Variants in NDUFV1 observed in about 807,000 individuals in gnomAD.
The protein encoded by NDUFV1 is NADH dehydrogenase [ubiquinone] flavoprotein 1, mitochondrial.
Under a neutral mutation model 48.7 loss-of-function variants are expected in NDUFV1, and 41 were observed. That is an observed-to-expected ratio of 0.84 (90% confidence interval 0.66 to 1.09). The LOEUF (loss-of-function observed/expected upper bound fraction) is 1.09, where lower values mean the gene tolerates loss of function less well. Ranked by LOEUF, NDUFV1 falls within the 50% of genes least tolerant of loss-of-function variation. The pLI, the probability that NDUFV1 is intolerant of heterozygous loss-of-function variation, is 0.00. For missense variants in NDUFV1, 580 were observed against 645.4 expected (o/e 0.90, Z 1.10); for synonymous variants, 231 against 259.1 (o/e 0.89, Z 1.04).
Position 67,608,636 on chromosome 11 carries a change from C to G in NDUFV1, c.240C>G (p.Ile80Met). The G allele has an allele frequency of 6.2e-7, 1 of 1,614,152 alleles. No individual in the cohort carries two copies. Among genetic ancestry groups the G allele is most frequent in the South Asian group, 1.1e-5 (1 of 91,076 alleles). Reference sequence around the variant, plus strand: ...GGCCCGACTGGATCCTGGGCGAGATCAAGACATCGGGTTTGAGGGGCCGTG... The same window carrying G: ...GGCCCGACTGGATCCTGGGCGAGATGAAGACATCGGGTTTGAGGGGCCGTG... ...LKGPDWILGEIKTSGLRGRGG... is the reference protein window; with the variant it reads ...LKGPDWILGEMKTSGLRGRGG... Residue 80 changes from isoleucine (I) to methionine (M), a missense_variant, in exon 3 of 10, where the codon ATC (isoleucine) becomes ATG (methionine). By Grantham distance (10) the Ile-to-Met change is conservative. Coordinates refer to ENST00000322776, the MANE Select transcript of NDUFV1 (RefSeq NM_007103.4).
Position 67,612,280 on chromosome 11 carries a change from TCTG to T in NDUFV1, c.1308+17_1308+19del. ...GGCCTGTGCAGGTATTCACCACCCT[TCTG>T]CGTAGCACGGAGGGTGGGTGGCATC... On this transcript the variant is annotated intron_variant, in intron 9 of 9. Coordinates refer to ENST00000322776, the MANE Select transcript of NDUFV1 (RefSeq NM_007103.4). This position sits in a 1 kb window ranked among gnomAD's most constrained non-coding sequence, Gnocchi z 4.4. The T allele has an allele frequency of 6.2e-7, 1 of 1,613,966 alleles. No homozygotes were observed. Among genetic ancestry groups the T allele is most frequent in the Non-Finnish European group, 8.5e-7 (1 of 1,179,938 alleles).
chr11:67,612,329 G>A lies in NDUFV1; in HGVS notation c.1309-43G>A, dbSNP rs769615675. 4 of 1,613,808 alleles carry A rather than the reference G, an allele frequency of 2.5e-6. No homozygotes were observed. Among genetic ancestry groups the A allele is most frequent in the Non-Finnish European group, 3.4e-6 (4 of 1,179,926 alleles). Reference sequence around the variant, plus strand: ...GCATCAAGGGCCCAGGGTGTTGGGGGATTTTTGGACTCTGTTTCACATGGT... The same window carrying A: ...GCATCAAGGGCCCAGGGTGTTGGGGAATTTTTGGACTCTGTTTCACATGGT... On this transcript the variant is annotated intron_variant, in intron 9 of 9. Coordinates refer to ENST00000322776, the MANE Select transcript of NDUFV1 (RefSeq NM_007103.4). This position sits in a 1 kb window ranked among gnomAD's most constrained non-coding sequence, Gnocchi z 4.4.
rs1418719669 is a variant in NDUFV1, at chr11:67,610,598, A to G, written c.700+28A>G. On this transcript the variant is annotated intron_variant, in intron 5 of 9. Coordinates refer to ENST00000322776, the MANE Select transcript of NDUFV1 (RefSeq NM_007103.4). ...AAGGCCTGGCGTAACCCTGGGTCAGACTGTGTCCTGTGACACCCGGGATCT... is the reference window on the plus strand; with the variant it reads ...AAGGCCTGGCGTAACCCTGGGTCAGGCTGTGTCCTGTGACACCCGGGATCT... 2.5e-6 allele frequency: 4 copies of G among 1,612,286 alleles called. No homozygotes were observed. The African/African-American group carries it at 4.0e-5, about 16-fold the overall frequency.
chr11:67,608,349 T>C, intron 1 of NDUFV1, 47 bp from the exon 2 acceptor site: 1 of 1,553,276 alleles, frequency 6.4e-7, no homozygotes, highest in Non-Finnish European at 8.9e-7. Flanking sequence ...GCCCAATCCC[T>C]CATGGCCCCA....
Position 67,612,307 on chromosome 11 carries a change from T to A in NDUFV1, c.1308+42T>A, listed in dbSNP as rs1181605079. On this transcript the variant is annotated intron_variant, in intron 9 of 9. Transcript: ENST00000322776. This position sits in a 1 kb window ranked among gnomAD's most constrained non-coding sequence, Gnocchi z 4.4. ...TGCGTAGCACGGAGGGTGGGTGGCA[T>A]CAAGGGCCCAGGGTGTTGGGGGATT... The A allele has an allele frequency of 3.1e-6, 5 of 1,613,678 alleles. No individual in the cohort carries two copies. In the African/African-American group the frequency reaches 6.7e-5, roughly 22 times the overall value.
In NDUFV1 at chr11:67,612,360, C is replaced by A. The variant is rs766572269; in HGVS notation, c.1309-12C>A. 2.2e-5 allele frequency: 35 copies of A among 1,613,590 alleles called. No individual in the cohort carries two copies. The highest frequency in any genetic ancestry group is 2.4e-5 in the Non-Finnish European group (28 of 1,179,930). ...TGGACTCTGTTTCACATGGTCCCCC[C>A]ACCGACCCCAGGGTCTGATCCGCCA... is the stretch of plus-strand genomic sequence containing the variant. On this transcript the variant is annotated splice_polypyrimidine_tract_variant and intron_variant, in intron 9 of 9. Coordinates refer to ENST00000322776, the MANE Select transcript of NDUFV1 (RefSeq NM_007103.4). This position sits in a 1 kb window ranked among gnomAD's most constrained non-coding sequence, Gnocchi z 4.4.
intron 5 of NDUFV1, 102 bp downstream of exon 5, chr11:67,610,672 G>A (rs1034169899): frequency 4.3e-5 from 63 of 1,477,982 alleles, no homozygotes; most frequent in Non-Finnish European, 4.8e-5. Context: ...GTGGCTTCCC[G>A]GCTGGGGCCA....
At position 67,611,422 on chromosome 11, in the gene NDUFV1, G is replaced by A. The variant is rs1850402749; in HGVS notation, c.933G>A (p.Trp311Ter). The A allele has an allele frequency of 6.2e-7, 1 of 1,613,922 alleles. No homozygotes were observed. The highest frequency in any genetic ancestry group is 1.7e-5 in the Admixed American group (1 of 60,004). The stretch of plus-strand genomic sequence containing the variant: ...CCCCAGGGGGTGTCACGGGCGGCTG[G>A]GACAACCTCCTTGCTGTGATCCCTG... ...EKHAGGVTGG[W>*]DNLLAVIPGG... The change falls in exon 7 of 10, where the codon TGG (tryptophan) becomes TGA (stop). Residue 311 changes from tryptophan to a stop codon, truncating the protein, a stop_gained. Transcript: ENST00000322776. LOFTEE classifies it high-confidence loss of function. This position sits in a 1 kb window ranked among gnomAD's most constrained non-coding sequence, Gnocchi z 4.2.
In NDUFV1 at chr11:67,611,981, G is replaced by A. The variant is rs1766416599; in HGVS notation, c.1162+3G>A. ...CCAGTGTACCCCATGCCGTGAGGGTGAGCATCGGGCAGGTTGGGGGCTTGC... is the reference window on the plus strand; with the variant it reads ...CCAGTGTACCCCATGCCGTGAGGGTAAGCATCGGGCAGGTTGGGGGCTTGC... On this transcript the variant is annotated splice_donor_region_variant and intron_variant, in intron 8 of 9. Coordinates refer to ENST00000322776, the MANE Select transcript of NDUFV1 (RefSeq NM_007103.4). This position sits in a 1 kb window ranked among gnomAD's most constrained non-coding sequence, Gnocchi z 4.2. 2 of 1,613,944 alleles carry A rather than the reference G, an allele frequency of 1.2e-6. No individual in the cohort carries two copies. The highest frequency in any genetic ancestry group is 1.7e-6 in the Non-Finnish European group (2 of 1,179,976).
intron 4 of NDUFV1, 27 bp from the exon 5 acceptor site, chr11:67,610,354 T>C: frequency 1.2e-6 from 2 of 1,613,168 alleles, no homozygotes; most frequent in South Asian, 2.2e-5. Context: ...GGGGGTGGGC[T>C]GGGAAACTCA....
At chr11:67,609,157 T>C (rs1030911289) in intron 3 of NDUFV1, among the ~76,000 whole-genome samples, 2 of 152,192 alleles carry the variant, frequency 1.3e-5, no homozygotes, top group Non-Finnish European at 1.5e-5. Flanking sequence ...TGAGGAATGC[T>C]CTTTGTCACC....
Position 67,612,418 on chromosome 11 carries a change from G to T in NDUFV1, c.1355G>T (p.Arg452Leu). 1 of 1,612,548 alleles carries T rather than the reference G, an allele frequency of 6.2e-7. No homozygotes were observed. Among genetic ancestry groups the T allele is most frequent in the African/African-American group, 1.3e-5 (1 of 75,018 alleles). The change falls in exon 10 of 10, where the codon CGG (arginine) becomes CTG (leucine). Residue 452 changes from arginine to leucine, a missense_variant. Arg to Leu is a moderately radical substitution (Grantham distance 102, BLOSUM62 -2). Coordinates refer to ENST00000322776, the MANE Select transcript of NDUFV1 (RefSeq NM_007103.4). The surrounding 1 kb of genome is among the most constrained non-coding windows in gnomAD (Gnocchi z 4.4). ...CCGGAGCTCGAGGAGCGGATGCAGC[G>T]GTTTGCCCAGCAGCATCAGGCCCGG... ...FRPELEERMQ[R>L]FAQQHQARQA...
rs1181605079 is a variant in NDUFV1, at chr11:67,612,307, T to C, written c.1308+42T>C. ...TGCGTAGCACGGAGGGTGGGTGGCA[T>C]CAAGGGCCCAGGGTGTTGGGGGATT... On this transcript the variant is annotated intron_variant, in intron 9 of 9. Transcript: ENST00000322776. The surrounding 1 kb of genome is among the most constrained non-coding windows in gnomAD (Gnocchi z 4.4). 1 of 1,613,794 alleles carries C rather than the reference T, an allele frequency of 6.2e-7. No homozygotes were observed. Among genetic ancestry groups the C allele is most frequent in the Non-Finnish European group, 8.5e-7 (1 of 1,179,864 alleles).
At chr11:67,610,781 C>A in intron 5 of NDUFV1, 1 of 792,046 alleles carries the variant, frequency 1.3e-6, no homozygotes, top group Non-Finnish European at 2.1e-6. Context: ...TGCTCTGTGG[C>A]TCCACCTTCA....
chr11:67,612,413 G>C lies in NDUFV1; in HGVS notation c.1350G>C (p.Met450Ile), dbSNP rs1591112380. 3.7e-6 allele frequency: 6 copies of C among 1,612,640 alleles called. No individual in the cohort carries two copies. Among genetic ancestry groups the C allele is most frequent in the Non-Finnish European group, 5.1e-6 (6 of 1,179,980 alleles). Residue 450 changes from methionine (M) to isoleucine (I), a missense_variant, in exon 10 of 10, where the codon ATG becomes ATC. Coordinates refer to ENST00000322776, the MANE Select transcript of NDUFV1 (RefSeq NM_007103.4). The surrounding 1 kb of genome is among the most constrained non-coding windows in gnomAD (Gnocchi z 4.4). ...RHFRPELEERMQRFAQQHQAR... is the reference protein window; with the variant it reads ...RHFRPELEERIQRFAQQHQAR... ...TTCGGCCGGAGCTCGAGGAGCGGATGCAGCGGTTTGCCCAGCAGCATCAGG... is the reference window on the plus strand; with the variant it reads ...TTCGGCCGGAGCTCGAGGAGCGGATCCAGCGGTTTGCCCAGCAGCATCAGG...
Position 67,608,691 on chromosome 11 carries a change from T to A in NDUFV1, c.295T>A (p.Trp99Arg). The change falls in exon 3 of 10, where the codon TGG becomes AGG. Residue 99 changes from tryptophan to arginine, a missense_variant. Coordinates refer to ENST00000322776, the MANE Select transcript of NDUFV1 (RefSeq NM_007103.4). ...CGCTGGCTTCCCCACTGGCCTCAAG[T>A]GGAGCTTCATGAATAAGCCCTCAGA... ...GGAGFPTGLK[W>R]SFMNKPSDGR... is the part of the protein sequence containing the mutation. 6.2e-7 allele frequency: 1 copy of A among 1,613,926 alleles called. No homozygotes were observed. The highest frequency in any genetic ancestry group is 1.1e-5 in the South Asian group (1 of 91,074).
At position 67,608,738 on chromosome 11, in the gene NDUFV1, C is replaced by T. The variant is rs374200980; in HGVS notation, c.326+16C>T. ...CAGATGGCAGGTGTGTGTGTGGGGG[C>T]GGGGCAGATGTGGCTGTGGGAGAGA... On this transcript the variant is annotated intron_variant, in intron 3 of 9. Transcript: ENST00000322776. 91 of 1,612,674 alleles carry T rather than the reference C, an allele frequency of 5.6e-5. No individual in the cohort carries two copies. The highest frequency in any genetic ancestry group is 2.0e-4 in the East Asian group (9 of 44,872).
In NDUFV1 at chr11:67,612,125, G is replaced by A. The variant is rs1395791236; in HGVS notation, c.1168G>A (p.Asp390Asn). The change falls in exon 9 of 10, where the codon GAC becomes AAC. Residue 390 changes from aspartate (D) to asparagine (N), a missense_variant. Coordinates refer to ENST00000322776, the MANE Select transcript of NDUFV1 (RefSeq NM_007103.4). The surrounding 1 kb of genome is among the most constrained non-coding windows in gnomAD (Gnocchi z 4.4). ...GQCTPCREGV[D>N]WMNKVMARFV... ...TCTTGTGGCTGTGGCTGCAGGTGTG[G>A]ACTGGATGAACAAGGTGATGGCACG... The A allele has an allele frequency of 6.2e-7, 1 of 1,613,790 alleles. No homozygotes were observed. The highest frequency in any genetic ancestry group is 1.7e-5 in the Admixed American group (1 of 59,998).
At chr11:67,609,216 A>G (rs558947289) in intron 3 of NDUFV1, among the ~76,000 whole-genome samples, 4 of 152,148 alleles carry the variant, frequency 2.6e-5, no homozygotes, top group Non-Finnish European at 4.4e-5. Flanking sequence ...AGATGTTTGG[A>G]TGAGCTGAAT....
Sources: gnomAD v4.1 joint callset for allele counts (sites outside exome capture counted in the v4.1 genomes callset) on GRCh38, gnomAD v4.1.1 for gene constraint, Gnocchi (gnomAD v3.1) non-coding constraint, MANE v1.5 for transcripts, NCBI Gene and HGNC (gene_info 2026-07-23, HGNC 2026-07-21) for gene names.